SHANK2: variants seen among roughly 807,000 people sequenced by gnomAD.
SHANK2 encodes SH3 and multiple ankyrin repeat domains protein 2.
Under a neutral mutation model 133.7 loss-of-function variants are expected in SHANK2, and 43 were observed. The observed-to-expected ratio is 0.32, with a 90% CI of 0.25 to 0.41. SHANK2 has a LOEUF of 0.41. SHANK2 is among the 10% of genes least tolerant of loss of function. The pLI is 1.00. For synonymous variants in SHANK2, 1,017 were observed against 952.8 expected, an observed-to-expected ratio of 1.07 and a Z score of -1.24; for missense variants, 1,994 against 2,235.8, an observed-to-expected ratio of 0.89 and a Z score of 2.18.
At chr11:70,742,013 T>G (rs1226014644) in intron 14 of SHANK2, among the ~76,000 whole-genome samples, 1 of 152,196 alleles carries the variant, frequency 6.6e-6, no homozygotes, top group African/African-American at 2.4e-5. Context: ...ACAGGACTGG[T>G]CTCTTCCGAG....
chr11:70,659,611 T>A (rs1256524404), intron 17 of SHANK2, among the ~76,000 whole-genome samples: 1 of 152,136 alleles, frequency 6.6e-6, no homozygotes, highest in Non-Finnish European at 1.5e-5. Context: ...CTTTTCCTCC[T>A]TCCAACGGGT....
chr11:70,911,245 A>T (rs538217007), intron 10 of SHANK2: 12 of 453,410 alleles, frequency 2.6e-5, no homozygotes, highest in African/African-American at 1.6e-4. Context: ...TTTGTTTTTG[A>T]GATGGAGTCT....
intron 21 of SHANK2, among the ~76,000 whole-genome samples, chr11:70,498,381 G>A (rs1270303643): frequency 2.6e-5 from 4 of 152,246 alleles, no homozygotes; most frequent in Admixed American, 1.3e-4. Flanking sequence ...TGGGAAGGGT[G>A]TGCTTGGACC....
At chr11:70,851,512 G>T (rs1247358285) in intron 11 of SHANK2, among the ~76,000 whole-genome samples, 2 of 152,210 alleles carry the variant, frequency 1.3e-5, no homozygotes, top group Non-Finnish European at 2.9e-5. Context: ...TGATTGGAAT[G>T]ATGATGTAAT....
intron 14 of SHANK2, among the ~76,000 whole-genome samples, chr11:70,703,397 C>A (rs1450469968): frequency 1.1e-4 from 16 of 151,962 alleles, no homozygotes; most frequent in African/African-American, 3.9e-4. Flanking sequence ...CTTAACTCTG[C>A]CACATCCTGT....
At chr11:70,730,208 C>T (rs1946259309) in intron 14 of SHANK2, among the ~76,000 whole-genome samples, 1 of 152,124 alleles carries the variant, frequency 6.6e-6, no homozygotes, top group Admixed American at 6.5e-5. Flanking sequence ...AGGTGAATCT[C>T]CTTCTGTGGA....
rs150010760 is a variant in SHANK2 at position 70,535,085 on chromosome 11, G to C, written c.2062-32154C>G. The stretch of plus-strand genomic sequence containing the variant: ...CAGGGCAGAGCTGACCTGGAGGGAA[G>C]ACTGGCTTTGGGGCAGGTGAGGCAG... On this transcript the variant is annotated intron_variant, in intron 17 of 25. Transcript: ENST00000601538. This position sits in a 1 kb window ranked among gnomAD's most constrained non-coding sequence, Gnocchi z 4.3. Among the ~76,000 whole-genome samples, 60 of 152,320 alleles carry C rather than the reference G, an allele frequency of 3.9e-4. 1 individual carries two copies. The highest frequency in any genetic ancestry group is 1.3e-3 in the African/African-American group (55 of 41,574).
At chr11:70,697,796 G>A (rs1279630622) in intron 15 of SHANK2, among the ~76,000 whole-genome samples, 1 of 152,162 alleles carries the variant, frequency 6.6e-6, no homozygotes, top group Non-Finnish European at 1.5e-5. Flanking sequence ...ACCTCTGCAG[G>A]AGATGAGTGG....
intron 12 of SHANK2, among the ~76,000 whole-genome samples, chr11:70,815,708 C>T (rs569250529): frequency 1.3e-5 from 2 of 152,294 alleles, no homozygotes; most frequent in African/African-American, 2.4e-5. Flanking sequence ...TTGCTTGGTG[C>T]CAGCAGGAGT....
chr11:71,129,706 A>G (rs1480007303), intron 3 of SHANK2, among the ~76,000 whole-genome samples: 3 of 152,194 alleles, frequency 2.0e-5, no homozygotes, highest in Non-Finnish European at 4.4e-5. Context: ...GGTTCACATG[A>G]GTTACAAGTA....
intron 21 of SHANK2, among the ~76,000 whole-genome samples, chr11:70,499,329 C>T (rs977681460): frequency 2.0e-5 from 3 of 152,250 alleles, no homozygotes; most frequent in Admixed American, 2.0e-4. Context: ...GCTCTGGAAG[C>T]TCAAATTTGT....
chr11:71,073,147 C>CTTTTCTTTTTTTTTTTTTTTTTTT (rs1951166965), intron 9 of SHANK2, among the ~76,000 whole-genome samples: 1 of 62,716 alleles, frequency 1.6e-5, no homozygotes, highest in Non-Finnish European at 3.9e-5. Context: ...TTTTTCTTTT[C>CTTTTCTTTTTTTTTTTTTTTTTTT]TTTTTTTTCT....
intron 2 of SHANK2, among the ~76,000 whole-genome samples, chr11:71,179,758 G>C (rs1475999599): frequency 6.6e-6 from 1 of 152,098 alleles, no homozygotes; most frequent in East Asian, 1.9e-4. Flanking sequence ...GGAATATACA[G>C]CAATCAATTA....
chr11:70,918,217 C>T (rs777033711), intron 10 of SHANK2, among the ~76,000 whole-genome samples: 12 of 152,132 alleles, frequency 7.9e-5, no homozygotes, highest in Non-Finnish European at 1.0e-4. Flanking sequence ...CGCTTGCAGC[C>T]GCTCCATGCG....
In SHANK2 at chr11:71,158,955, G is replaced by A. The variant is rs114733082; in HGVS notation, c.-12-11617C>T. On this transcript the variant is annotated intron_variant, in intron 2 of 25. Coordinates refer to ENST00000601538, the MANE Select transcript of SHANK2 (RefSeq NM_012309.5). ...TTCCAGATGCACTGACTACTGTCAC[G>A]TGAAAAGCAACACAACAAATCTCTA... Among the ~76,000 whole-genome samples, 1,270 of 152,286 alleles carry A rather than the reference G, an allele frequency of 8.3e-3. 20 individuals carry two copies. Among genetic ancestry groups the A allele is most frequent in the African/African-American group, 0.029 (1,222 of 41,546 alleles).
intron 9 of SHANK2, among the ~76,000 whole-genome samples, chr11:71,071,564 C>T (rs907963594): frequency 6.6e-6 from 1 of 152,238 alleles, no homozygotes; most frequent in East Asian, 1.9e-4. Flanking sequence ...TCACAAAGGG[C>T]TGCAGAGAAA....
chr11:71,178,890 T>A (rs1457314575), intron 2 of SHANK2, among the ~76,000 whole-genome samples: 1 of 152,092 alleles, frequency 6.6e-6, no homozygotes, highest in Admixed American at 6.6e-5. Flanking sequence ...GGCTGAGGCA[T>A]GAGAGTCACT....
At chr11:70,818,735 C>A (rs201411633) in intron 12 of SHANK2, among the ~76,000 whole-genome samples, 2 of 152,194 alleles carry the variant, frequency 1.3e-5, no homozygotes, top group South Asian at 2.1e-4. Flanking sequence ...AAGGCCAAAG[C>A]GTTGAGAGGA....
intron 11 of SHANK2, among the ~76,000 whole-genome samples, chr11:70,840,493 G>C (rs2135428209): frequency 6.6e-6 from 1 of 152,364 alleles, no homozygotes; most frequent in East Asian, 1.9e-4. Flanking sequence ...TTGTCTGGGA[G>C]GAGCCCTCAG....
Sources: gnomAD v4.1 joint callset for allele counts (sites outside exome capture counted in the v4.1 genomes callset) on GRCh38, gnomAD v4.1.1 for gene constraint, Gnocchi (gnomAD v3.1) non-coding constraint, MANE v1.5 for transcripts, NCBI Gene and HGNC (gene_info 2026-07-23, HGNC 2026-07-21) for gene names.